The following FILIP1L variants were observed in gnomAD, a reference collection of about 807,000 sequenced individuals.
FILIP1L encodes filamin A-interacting protein 1-like.
Under a neutral mutation model 96.6 loss-of-function variants are expected in FILIP1L, and 55 were observed. The ratio of observed to expected loss-of-function variants is 0.57; its 90% confidence interval spans 0.46 to 0.71. The LOEUF is 0.71. Ranked by LOEUF, FILIP1L falls within the 30% of genes least tolerant of loss-of-function variation. The pLI is 0.00. For missense variants in FILIP1L, 1,304 were observed against 1,321.2 expected (o/e 0.99, Z 0.20); for synonymous variants, 467 against 473.9 (o/e 0.99, Z 0.19).
At chr3:100,104,390 CT>C (rs775888860) in intron 1 of FILIP1L, among the ~76,000 whole-genome samples, 5 of 152,198 alleles carry the variant, frequency 3.3e-5, no homozygotes, top group Admixed American at 6.5e-5. Flanking sequence ...CTGAGCTACA[CT>C]TTTTTTTACA....
intron 1 of FILIP1L, among the ~76,000 whole-genome samples, chr3:100,070,138 A>G (rs1259319388): frequency 6.6e-6 from 1 of 152,216 alleles, no homozygotes; most frequent in South Asian, 2.1e-4. Flanking sequence ...AGCTAACATG[A>G]AGTGCTCTGT....
intron 1 of FILIP1L, among the ~76,000 whole-genome samples, chr3:100,061,710 C>T (rs931839881): frequency 3.3e-5 from 5 of 152,148 alleles, no homozygotes; most frequent in African/African-American, 1.2e-4. Context: ...CTCACTACCT[C>T]CGAGGTGCAT....
chr3:100,064,177 T>C (rs780732699), intron 1 of FILIP1L, among the ~76,000 whole-genome samples: 41 of 152,192 alleles, frequency 2.7e-4, no homozygotes, highest in Non-Finnish European at 5.7e-4. Flanking sequence ...CCTGTTAGGA[T>C]TGTGGGGTTG....
chr3:99,992,650 C>G (rs1473274690), intron 1 of FILIP1L, among the ~76,000 whole-genome samples: 1 of 151,866 alleles, frequency 6.6e-6, no homozygotes, highest in African/African-American at 2.4e-5. Flanking sequence ...TTTTGGTATA[C>G]ACAAGCTTTT....
intron 3 of FILIP1L, among the ~76,000 whole-genome samples, chr3:99,927,050 C>T (rs1707315396): frequency 6.6e-6 from 1 of 152,116 alleles, no homozygotes; most frequent in African/African-American, 2.4e-5. Context: ...CATCTTCACT[C>T]CATATCTTCC....
At chr3:100,107,308 G>A (rs2066412190) in intron 1 of FILIP1L, among the ~76,000 whole-genome samples, 1 of 152,154 alleles carries the variant, frequency 6.6e-6, no homozygotes, top group Non-Finnish European at 1.5e-5. Flanking sequence ...GCAGTTTTAT[G>A]ATGCCATCTG....
intron 1 of FILIP1L, among the ~76,000 whole-genome samples, chr3:100,113,385 ATCT>A (rs1231716017): frequency 6.6e-6 from 1 of 152,218 alleles, no homozygotes; most frequent in African/African-American, 2.4e-5. Flanking sequence ...ATATCCAGTC[ATCT>A]TCTGTGGGGT....
At chr3:100,037,710 C>A (rs1299967677) in intron 1 of FILIP1L, among the ~76,000 whole-genome samples, 4 of 152,168 alleles carry the variant, frequency 2.6e-5, no homozygotes, top group African/African-American at 9.7e-5. Context: ...TGATAAGTTT[C>A]TCTATGCATC....
intron 1 of FILIP1L, among the ~76,000 whole-genome samples, chr3:99,951,414 G>T (rs189169725): frequency 1.3e-5 from 2 of 152,292 alleles, no homozygotes; most frequent in Non-Finnish European, 2.9e-5. Context: ...CGCATAGTAT[G>T]TACTCTGTCG....
At chr3:99,976,631 A>G (rs1236087427) in intron 1 of FILIP1L, among the ~76,000 whole-genome samples, 1 of 152,128 alleles carries the variant, frequency 6.6e-6, no homozygotes, top group Non-Finnish European at 1.5e-5. Context: ...GTTCCTCTGC[A>G]TATGCATCTT....
chr3:100,059,506 C>A (rs1211008431), intron 1 of FILIP1L, among the ~76,000 whole-genome samples: 3 of 152,110 alleles, frequency 2.0e-5, no homozygotes, highest in Admixed American at 6.5e-5. Context: ...GTGTGCTAGG[C>A]CCTGAGGAGG....
At chr3:100,081,651 G>T (rs2065933932) in intron 1 of FILIP1L, among the ~76,000 whole-genome samples, 1 of 152,140 alleles carries the variant, frequency 6.6e-6, no homozygotes, top group Non-Finnish European at 1.5e-5. Flanking sequence ...GAGAGTAACA[G>T]TCATGAAAAG....
chr3:99,889,232 G>T (rs1226160565), intron 4 of FILIP1L, among the ~76,000 whole-genome samples: 1 of 152,028 alleles, frequency 6.6e-6, no homozygotes, highest in South Asian at 2.1e-4. Flanking sequence ...TGATGGATTA[G>T]TTTGTCCTTG....
chr3:99,887,512 C>T (rs976743093), intron 4 of FILIP1L, among the ~76,000 whole-genome samples: 2 of 152,128 alleles, frequency 1.3e-5, no homozygotes, highest in Admixed American at 6.6e-5. Flanking sequence ...ATCCAGGCTA[C>T]GAATAGGTCT....
chr3:100,075,389 T>C (rs2065834302), intron 1 of FILIP1L, among the ~76,000 whole-genome samples: 1 of 152,222 alleles, frequency 6.6e-6, no homozygotes, highest in East Asian at 1.9e-4. Flanking sequence ...GGGCTTATGA[T>C]AACGAGCAGA....
intron 1 of FILIP1L, among the ~76,000 whole-genome samples, chr3:100,008,354 A>G (rs1168409401): frequency 6.6e-6 from 1 of 152,208 alleles, no homozygotes; most frequent in Non-Finnish European, 1.5e-5. Context: ...AAGGCAAAGA[A>G]AAAAAGCAGC....
rs561137425 is a variant in FILIP1L at position 99,910,402 on chromosome 3, G to A, written c.605+13828C>T. ...GGCAAGACTAATGTAACAAAAACAG[G>A]GTTCTGTGAGCTTTTAGAGGTGAAA... On this transcript the variant is annotated intron_variant, in intron 4 of 5. Coordinates refer to ENST00000477258, the MANE Select transcript of FILIP1L (RefSeq NM_001387850.1). Among the ~76,000 whole-genome samples the A allele has an allele frequency of 2.1e-4, 29 of 135,806 alleles. 7 individuals carry two copies. The highest frequency in any genetic ancestry group is 6.3e-4 in the Admixed American group (8 of 12,708). The allele number at this position is 135,806 out of a possible 152,430, so 89.1% of individuals were successfully genotyped here. A position where few individuals can be genotyped will look rare whatever the true frequency, so the allele number is the denominator to read the frequency against.
intron 1 of FILIP1L, among the ~76,000 whole-genome samples, chr3:99,992,915 A>T (rs1709565365): frequency 6.6e-6 from 1 of 152,090 alleles, no homozygotes; most frequent in Non-Finnish European, 1.5e-5. Context: ...CATTTATTGA[A>T]CAGGTTGTCA....
intron 1 of FILIP1L, among the ~76,000 whole-genome samples, chr3:100,056,017 G>T (rs1381408994): frequency 5.9e-5 from 9 of 152,152 alleles, no homozygotes; most frequent in Admixed American, 5.9e-4. Flanking sequence ...AGTTGATCTG[G>T]TTGGGGAAAT....
Sources: gnomAD v4.1 joint callset for allele counts (sites outside exome capture counted in the v4.1 genomes callset) on GRCh38, gnomAD v4.1.1 for gene constraint, MANE v1.5 for transcripts, NCBI Gene and HGNC (gene_info 2026-07-23, HGNC 2026-07-21) for gene names.